The following SSBP2 variants were observed in gnomAD, a reference collection of about 807,000 sequenced individuals.
SSBP2 encodes single-stranded DNA-binding protein 2.
Under a neutral mutation model 61.8 loss-of-function variants are expected in SSBP2, and 17 were observed. The ratio of observed to expected loss-of-function variants is 0.28; its 90% CI spans 0.19 to 0.41. SSBP2 has a LOEUF of 0.41. Among genes scored for constraint, SSBP2 ranks in the 10% least tolerant of loss-of-function variants. SSBP2 has a pLI of 1.00. For missense variants in SSBP2, 310 were observed against 458.7 expected, an observed-to-expected ratio of 0.68 and a Z score of 2.96; for synonymous variants, 139 against 141.3, an observed-to-expected ratio of 0.98 and a Z score of 0.12.
intron 2 of SSBP2, among the ~76,000 whole-genome samples, chr5:81,642,798 C>T (rs1339819996): frequency 1.3e-5 from 2 of 151,956 alleles, no homozygotes; most frequent in Non-Finnish European, 2.9e-5. Flanking sequence ...AACACAATTT[C>T]CAAAATCTAA....
intron 1 of SSBP2, among the ~76,000 whole-genome samples, chr5:81,678,210 A>G (rs1752130917): frequency 6.6e-6 from 1 of 152,210 alleles, no homozygotes; most frequent in African/African-American, 2.4e-5. Context: ...AGAGATGGAA[A>G]TTCTAAGAAT....
intron 1 of SSBP2, among the ~76,000 whole-genome samples, chr5:81,735,363 T>C (rs1561742722): frequency 6.6e-6 from 1 of 152,220 alleles, no homozygotes. Flanking sequence ...TCCACATCCA[T>C]GGGGGATTTG....
chr5:81,471,315 G>C (rs1312036938), intron 8 of SSBP2, among the ~76,000 whole-genome samples: 1 of 151,682 alleles, frequency 6.6e-6, no homozygotes, highest in Non-Finnish European at 1.5e-5. Context: ...TGTAAATACT[G>C]TAAAACTGAT....
chr5:81,555,765 G>A (rs571278044), intron 4 of SSBP2, among the ~76,000 whole-genome samples: 10 of 152,188 alleles, frequency 6.6e-5, no homozygotes, highest in African/African-American at 2.2e-4. Flanking sequence ...TGTACAATCT[G>A]TATCAGTTTG....
At chr5:81,518,793 T>C (rs1413648333) in intron 4 of SSBP2, among the ~76,000 whole-genome samples, 1 of 152,148 alleles carries the variant, frequency 6.6e-6, no homozygotes, top group Non-Finnish European at 1.5e-5. Context: ...CCTAGTACTA[T>C]AAAAAACAAT....
At chr5:81,730,668 C>T (rs1756204263) in intron 1 of SSBP2, among the ~76,000 whole-genome samples, 1 of 152,118 alleles carries the variant, frequency 6.6e-6, no homozygotes, top group African/African-American at 2.4e-5. Context: ...GGTCATAATT[C>T]TGATTTATAT....
chr5:81,650,208 G>A (rs1346570811), intron 2 of SSBP2, 59 bp downstream of exon 2: 2 of 1,173,740 alleles, frequency 1.7e-6, no homozygotes, highest in Non-Finnish European at 2.4e-6. Context: ...TTATTATAGT[G>A]TGTTTTCCAT....
intron 1 of SSBP2, among the ~76,000 whole-genome samples, chr5:81,692,092 T>A (rs1753246871): frequency 6.6e-6 from 1 of 152,186 alleles, no homozygotes; most frequent in African/African-American, 2.4e-5. Flanking sequence ...GATGACTTTA[T>A]CTTATATTTG....
chr5:81,505,029 A>G (rs1175395101), intron 5 of SSBP2, among the ~76,000 whole-genome samples: 1 of 151,964 alleles, frequency 6.6e-6, no homozygotes, highest in Non-Finnish European at 1.5e-5. Context: ...ATTCCACAGA[A>G]CCCCCTTAGA....
At chr5:81,694,765 G>A (rs1561700454) in intron 1 of SSBP2, among the ~76,000 whole-genome samples, 3 of 151,970 alleles carry the variant, frequency 2.0e-5, no homozygotes, top group East Asian at 1.9e-4. Context: ...ACTTGAAGCC[G>A]GCAGTTCAAA....
chr5:81,555,062 G>T (rs931368347), intron 4 of SSBP2, among the ~76,000 whole-genome samples: 43 of 152,074 alleles, frequency 2.8e-4, no homozygotes, highest in African/African-American at 9.6e-4. Context: ...ACTCAATATT[G>T]CTTTCTGTAA....
intron 1 of SSBP2, among the ~76,000 whole-genome samples, chr5:81,679,836 T>C (rs1752255633): frequency 1.3e-5 from 2 of 152,080 alleles, no homozygotes; most frequent in South Asian, 4.1e-4. Context: ...GTTATGTCTA[T>C]GGTAGTGTGT....
chr5:81,520,388 T>C (rs1001895732), intron 4 of SSBP2, among the ~76,000 whole-genome samples: 1 of 152,226 alleles, frequency 6.6e-6, no homozygotes, highest in African/African-American at 2.4e-5. Context: ...TCACAATTTT[T>C]TTCTTAAGCC....
intron 4 of SSBP2, among the ~76,000 whole-genome samples, chr5:81,569,391 G>A (rs188371604): frequency 5.9e-5 from 9 of 152,258 alleles, no homozygotes; most frequent in Non-Finnish European, 1.0e-4. Context: ...GTAGACTGGG[G>A]AGTGGGGAAT....
intron 1 of SSBP2, among the ~76,000 whole-genome samples, chr5:81,657,626 C>T (rs531649757): frequency 6.6e-6 from 1 of 152,262 alleles, no homozygotes; most frequent in South Asian, 2.1e-4. Context: ...CCCTGTGCCT[C>T]CCTCAGAAGG....
At chr5:81,491,657 A>G (rs969967978) in intron 5 of SSBP2, among the ~76,000 whole-genome samples, 3 of 152,108 alleles carry the variant, frequency 2.0e-5, no homozygotes, top group South Asian at 4.1e-4. Context: ...TTTTTAGTCA[A>G]TTTATTACTC....
intron 3 of SSBP2, among the ~76,000 whole-genome samples, chr5:81,628,008 C>A (rs1052006633): frequency 6.6e-6 from 1 of 151,018 alleles, no homozygotes; most frequent in South Asian, 2.1e-4. Context: ...GAGGCTGCAG[C>A]GAGCTATGAT....
At chr5:81,466,635 TTCA>T (rs1764910573) in intron 9 of SSBP2, among the ~76,000 whole-genome samples, 1 of 152,026 alleles carries the variant, frequency 6.6e-6, no homozygotes, top group Non-Finnish European at 1.5e-5. Flanking sequence ...TTAGCATCTC[TTCA>T]TATTTTATAT....
intron 5 of SSBP2, among the ~76,000 whole-genome samples, chr5:81,510,291 T>A (rs1019034540): frequency 1.3e-5 from 2 of 152,194 alleles, no homozygotes; most frequent in Non-Finnish European, 2.9e-5. Flanking sequence ...CCCCATTTTG[T>A]GTTCTCTAGC....
Sources: allele counts gnomAD v4.1 joint callset (sites outside exome capture counted in the v4.1 genomes callset), GRCh38; gene constraint gnomAD v4.1.1; transcripts MANE v1.5; gene names NCBI Gene and HGNC (gene_info 2026-07-23, HGNC 2026-07-21).